Variants in STPG1 observed in about 807,000 individuals in gnomAD.
STPG1 encodes O(6)-methylguanine-induced apoptosis 2.
In STPG1, 33 loss-of-function variants were observed where a neutral mutation model predicts 40.1. That is an observed-to-expected ratio of 0.82 (90% confidence interval 0.62 to 1.10). STPG1 has a LOEUF of 1.10. Among genes scored for constraint, STPG1 ranks in the 50% least tolerant of loss-of-function variants. STPG1 has a pLI of 0.00. For synonymous variants in STPG1, 150 were observed against 155.0 expected (o/e 0.97, Z 0.24); for missense variants, 396 against 415.1 (o/e 0.95, Z 0.40).
chr1:24,388,665 T>A (rs1642619125), intron 3 of STPG1, among the ~76,000 whole-genome samples: 1 of 152,150 alleles, frequency 6.6e-6, no homozygotes, highest in Admixed American at 6.5e-5. Flanking sequence ...GGAGCAACGG[T>A]GTGGGTGACT....
rs1640816837 is a variant in STPG1, at chr1:24,357,761, C to G, written c.*782G>C. The G allele has an allele frequency of 5.5e-6, 1 of 182,278 alleles. No individual in the cohort carries two copies. Among genetic ancestry groups the G allele is most frequent in the Admixed American group, 5.4e-5 (1 of 18,660 alleles). 11.3% of individuals were successfully genotyped at this position (182,278 alleles called of 1,614,324 possible). On this transcript the variant is annotated 3_prime_UTR_variant, in exon 9 of 9. Coordinates refer to ENST00000337248, the MANE Select transcript of STPG1 (RefSeq NM_001199013.2). ...ACCACTAGGGCACATTTCTTTTTCC[C>G]TCCACATAGAGAGACGAAAGCTATC...
At chr1:24,409,246 G>C (rs1322396017) in intron 1 of STPG1, among the ~76,000 whole-genome samples, 1 of 152,166 alleles carries the variant, frequency 6.6e-6, no homozygotes, top group Non-Finnish European at 1.5e-5. Context: ...TGTAGTCCCA[G>C]CTACCTTAGG....
intron 5 of STPG1, among the ~76,000 whole-genome samples, chr1:24,374,629 T>G (rs1389628587): frequency 6.6e-6 from 1 of 151,360 alleles, no homozygotes; most frequent in Non-Finnish European, 1.5e-5. Context: ...CTACTTTTTT[T>G]TTGTTTGTTT....
At chr1:24,398,550 A>C (rs1186860443) in intron 2 of STPG1, among the ~76,000 whole-genome samples, 2 of 152,154 alleles carry the variant, frequency 1.3e-5, no homozygotes, top group African/African-American at 4.8e-5. Context: ...AGAAAGGAAG[A>C]AATAAAGTTG....
chr1:24,402,006 C>T (rs1643246648), intron 1 of STPG1, among the ~76,000 whole-genome samples: 1 of 152,068 alleles, frequency 6.6e-6, no homozygotes, highest in Non-Finnish European at 1.5e-5. Context: ...TTAAATTTAG[C>T]TTTACTGAGA....
At chr1:24,383,526 C>T (rs1642378045) in intron 4 of STPG1, among the ~76,000 whole-genome samples, 1 of 152,194 alleles carries the variant, frequency 6.6e-6, no homozygotes, top group Admixed American at 6.5e-5. Flanking sequence ...AATAGTTTGA[C>T]AACCAATTAG....
chr1:24,383,501 C>T (rs1447222268), intron 4 of STPG1, among the ~76,000 whole-genome samples: 1 of 152,102 alleles, frequency 6.6e-6, no homozygotes, highest in East Asian at 1.9e-4. Flanking sequence ...TCTTTTTAGT[C>T]CTATCAGATT....
At chr1:24,391,930 CAGG>C in intron 2 of STPG1, 1 of 1,182,864 alleles carries the variant, frequency 8.5e-7, no homozygotes, top group Non-Finnish European at 1.0e-6. Context: ...GTACCTTAAA[CAGG>C]CTGTCCCGGA....
In STPG1 at chr1:24,361,006, G is replaced by A. The variant is rs372204694; in HGVS notation, c.773C>T (p.Ser258Leu). Residue 258 changes from serine to leucine, a missense_variant, in exon 8 of 9, where the codon TCG (serine) becomes TTG (leucine). Coordinates refer to ENST00000337248, the MANE Select transcript of STPG1 (RefSeq NM_001199013.2). The part of the protein sequence containing the change: ...NPILNFSAQP[S>L]PLPPKPPFPG... ...GAAAGGTGGCTTCGGAGGCAGAGGC[G>A]AAGGCTGAGCAGAGAAGTTCAGGAT... 9.3e-6 allele frequency: 15 copies of A among 1,613,124 alleles called. No homozygotes were observed. Among genetic ancestry groups the A allele is most frequent in the South Asian group, 3.3e-5 (3 of 90,790 alleles).
chr1:24,399,240 GAATA>G lies in STPG1; in HGVS notation c.70+2075_70+2078del, dbSNP rs1250557003. Among the ~76,000 whole-genome samples the G allele has an allele frequency of 6.6e-5, 10 of 152,274 alleles. No homozygotes were observed. Among genetic ancestry groups the G allele is most frequent in the Admixed American group, 3.3e-4 (5 of 15,284 alleles). ...ATTAGGACAGTATGATATTTGAACAGAATAAATAATCAAGAAGCAGAGCTGCATA... is the reference window on the plus strand; with the variant it reads ...ATTAGGACAGTATGATATTTGAACAGAATAATCAAGAAGCAGAGCTGCATA... On this transcript the variant is annotated intron_variant, in intron 2 of 8. Transcript: ENST00000337248. This position sits in a 1 kb window ranked among gnomAD's most constrained non-coding sequence, Gnocchi z 4.0.
intron 5 of STPG1, among the ~76,000 whole-genome samples, chr1:24,374,506 G>T (rs183113048): frequency 6.6e-6 from 1 of 151,802 alleles, no homozygotes; most frequent in Admixed American, 6.6e-5. Context: ...TGATCCGCCC[G>T]CCTCGGCCTC....
intron 2 of STPG1, among the ~76,000 whole-genome samples, chr1:24,396,273 A>G (rs559286436): frequency 5.4e-5 from 5 of 92,276 alleles, no homozygotes; most frequent in African/African-American, 8.0e-5. Flanking sequence ...ATCTATAGCT[A>G]TCTATCTATC....
chr1:24,382,139 G>A (rs1642312750), intron 4 of STPG1, among the ~76,000 whole-genome samples: 1 of 152,196 alleles, frequency 6.6e-6, no homozygotes, highest in Non-Finnish European at 1.5e-5. Context: ...CTCAGCTCTT[G>A]CCTTGGGCCC....
intron 7 of STPG1, among the ~76,000 whole-genome samples, chr1:24,363,338 G>A (rs752163820): frequency 5.3e-5 from 8 of 152,178 alleles, no homozygotes; most frequent in Non-Finnish European, 1.0e-4. Flanking sequence ...CCAGCCATGT[G>A]TGGGATTCTG....
Position 24,401,402 on chromosome 1 carries a change from T to C in STPG1, c.-14A>G, listed in dbSNP as rs1643223405. ...AGAGTTGTCCATGTTAGCAAAATTC[T>C]GTGACGTGTTCCATTTGTTTGATGA... is the stretch of plus-strand genomic sequence containing the variant. On this transcript the variant is annotated 5_prime_UTR_variant, in exon 2 of 9. Transcript: ENST00000337248. The C allele has an allele frequency of 1.2e-6, 2 of 1,613,116 alleles. No homozygotes were observed. The highest frequency in any genetic ancestry group is 2.2e-5 in the South Asian group (2 of 90,954).
At position 24,373,177 on chromosome 1, in the gene STPG1, T is replaced by C. The variant is rs184941607; in HGVS notation, c.571+525A>G. On this transcript the variant is annotated intron_variant, in intron 6 of 8. Coordinates refer to ENST00000337248, the MANE Select transcript of STPG1 (RefSeq NM_001199013.2). The stretch of plus-strand genomic sequence containing the variant: ...AAGTAGGGCTAAGTGGATGAACCTA[T>C]GACGGCAGACCTGCAAGACTGCATG... Among the ~76,000 whole-genome samples the C allele has an allele frequency of 2.6e-5, 4 of 152,322 alleles. No individual in the cohort carries two copies. The East Asian group carries it at 7.7e-4, about 29-fold the overall frequency.
chr1:24,387,906 A>G (rs10489439), intron 3 of STPG1, among the ~76,000 whole-genome samples: 39,092 of 152,056 alleles, frequency 0.26, 5,343 homozygotes, highest in East Asian at 0.47. Context: ...TCTTTCATTT[A>G]AACATCCCTG....
At chr1:24,382,749 T>C (rs796370089) in intron 4 of STPG1, among the ~76,000 whole-genome samples, 11 of 152,242 alleles carry the variant, frequency 7.2e-5, no homozygotes, top group African/African-American at 2.4e-4. Flanking sequence ...AAGATGTAGC[T>C]ACATTTAGTG....
chr1:24,374,260 T>TTTG lies in STPG1; in HGVS notation c.463-451_463-450insCAA, dbSNP rs1641909023. Among the ~76,000 whole-genome samples the TTTG allele has an allele frequency of 3.0e-5, 4 of 132,926 alleles. 1 individual carries two copies. Among genetic ancestry groups the TTTG allele is most frequent in the African/African-American group, 1.2e-4 (4 of 33,952 alleles). 87.2% of individuals were successfully genotyped at this position (132,926 alleles called of 152,430 possible). On this transcript the variant is annotated intron_variant, in intron 5 of 8. Transcript: ENST00000337248. ...TAGGAAAGTGTTTTTTTTTTTTGTT[T>TTTG]TTTTTTTTTTTTTTCTGAGACAGAG...
Sources: gnomAD v4.1 joint callset for allele counts (sites outside exome capture counted in the v4.1 genomes callset) on GRCh38, gnomAD v4.1.1 for gene constraint, Gnocchi (gnomAD v3.1) non-coding constraint, MANE v1.5 for transcripts, NCBI Gene and HGNC (gene_info 2026-07-23, HGNC 2026-07-21) for gene names.